ZC3H12B: variants seen among roughly 807,000 people sequenced by gnomAD.
The protein encoded by ZC3H12B is zinc finger CCCH-type containing 12B.
ZC3H12B carries 7 observed loss-of-function variants against 43.9 expected under a neutral mutation model. That is an observed-to-expected ratio of 0.16 (90% CI 0.09 to 0.30). The LOEUF is 0.30. Among genes scored for constraint, ZC3H12B ranks in the 10% least tolerant of loss-of-function variants. ZC3H12B has a pLI of 1.00. For missense variants in ZC3H12B, 475 were observed against 670.2 expected, an observed-to-expected ratio of 0.71 and a Z score of 3.22; for synonymous variants, 222 against 241.7, an observed-to-expected ratio of 0.92 and a Z score of 0.76.
At chrX:65,468,107 A>T (rs765447054) in intron 3 of ZC3H12B, among the ~76,000 whole-genome samples, 1 of 111,923 alleles carries the variant, frequency 8.9e-6, no homozygotes, top group African/African-American at 3.2e-5. Flanking sequence ...TATGTCTTTG[A>T]TCCATCTTGA....
At chrX:65,269,387 A>C in the ZC3H12B span, among the ~76,000 whole-genome samples, 1 of 111,152 alleles carries the variant, frequency 9.0e-6, no homozygotes, top group Non-Finnish European at 1.9e-5. Flanking sequence ...GGAAAGAAAG[A>C]AAAATCACTA....
At chrX:65,085,820 A>G in the ZC3H12B span, among the ~76,000 whole-genome samples, 1 of 111,480 alleles carries the variant, frequency 9.0e-6, no homozygotes, top group Non-Finnish European at 1.9e-5. Context: ...GATACGTTGG[A>G]CATGTAGTAC....
At chrX:65,418,968 G>A (rs1436929114) in intron 3 of ZC3H12B, among the ~76,000 whole-genome samples, 1 of 111,630 alleles carries the variant, frequency 9.0e-6, no homozygotes, top group Admixed American at 9.5e-5. Context: ...AAGGATTACT[G>A]GACATTAGAT....
chrX:65,286,972 T>C, the ZC3H12B span, among the ~76,000 whole-genome samples: 1 of 110,834 alleles, frequency 9.0e-6, no homozygotes, highest in African/African-American at 3.3e-5. Flanking sequence ...AATGAATCAA[T>C]CAAGCAAGAG....
At chrX:65,399,635 A>G (rs1157547891) in intron 3 of ZC3H12B, among the ~76,000 whole-genome samples, 1 of 112,330 alleles carries the variant, frequency 8.9e-6, no homozygotes. Context: ...TTCCTCAAAA[A>G]AAGAAAAATA....
intron 3 of ZC3H12B, among the ~76,000 whole-genome samples, chrX:65,473,531 C>A (rs1479556102): frequency 1.8e-5 from 2 of 111,976 alleles, no homozygotes; most frequent in East Asian, 5.6e-4. Context: ...AATATTAATT[C>A]TTTCAATCCA....
the ZC3H12B span, among the ~76,000 whole-genome samples, chrX:65,052,124 A>G: frequency 3.6e-5 from 4 of 111,328 alleles, no homozygotes; most frequent in East Asian, 1.1e-3. Context: ...AATTATGTCT[A>G]TTGTTTAGCA....
chrX:65,379,463 C>T (rs762343003), intron 2 of ZC3H12B, among the ~76,000 whole-genome samples: 1 of 111,899 alleles, frequency 8.9e-6, no homozygotes, highest in African/African-American at 3.3e-5. Flanking sequence ...CTGTACATCA[C>T]CATCATCTAA....
the ZC3H12B span, among the ~76,000 whole-genome samples, chrX:65,309,865 A>G: frequency 8.9e-6 from 1 of 112,320 alleles, no homozygotes; most frequent in Non-Finnish European, 1.9e-5. Context: ...CAATAAACAT[A>G]ATCCATCACA....
chrX:65,389,244 C>T (rs1382964615), intron 2 of ZC3H12B, among the ~76,000 whole-genome samples: 2 of 112,417 alleles, frequency 1.8e-5, no homozygotes, highest in East Asian at 5.6e-4. Flanking sequence ...GTGGAGTCTA[C>T]AGAGTCAGGC....
At chrX:65,187,553 A>G in the ZC3H12B span, among the ~76,000 whole-genome samples, 2 of 111,698 alleles carry the variant, frequency 1.8e-5, no homozygotes, top group African/African-American at 6.5e-5. Flanking sequence ...TGATTTGGAC[A>G]GTATTTAGTC....
chrX:65,051,099 C>G, the ZC3H12B span, among the ~76,000 whole-genome samples: 47 of 111,134 alleles, frequency 4.2e-4, no homozygotes, highest in East Asian at 0.012. Flanking sequence ...TTATAGAGTT[C>G]CAGGAATTTA....
chrX:65,292,248 C>T, the ZC3H12B span, among the ~76,000 whole-genome samples: 1 of 111,752 alleles, frequency 8.9e-6, no homozygotes, highest in African/African-American at 3.3e-5. Context: ...AGAAAAATCA[C>T]ATTCTGGGCC....
At chrX:65,470,574 G>A (rs2067896969) in intron 3 of ZC3H12B, among the ~76,000 whole-genome samples, 1 of 110,375 alleles carries the variant, frequency 9.1e-6, no homozygotes, top group South Asian at 3.9e-4. Flanking sequence ...TCTCCCTGCC[G>A]CCCTCACCCT....
intron 3 of ZC3H12B, among the ~76,000 whole-genome samples, chrX:65,448,109 C>T (rs2067404544): frequency 9.1e-6 from 1 of 110,472 alleles, no homozygotes; most frequent in Non-Finnish European, 1.9e-5. Flanking sequence ...GTGGTGGGCA[C>T]CTGTAGTCCC....
intron 2 of ZC3H12B, among the ~76,000 whole-genome samples, chrX:65,374,021 A>T (rs1361120240): frequency 1.6e-3 from 75 of 45,984 alleles, no homozygotes; most frequent in African/African-American, 4.7e-3. Context: ...CTATATATAC[A>T]GTATATATAT....
the ZC3H12B span, among the ~76,000 whole-genome samples, chrX:65,069,403 C>T: frequency 9.2e-6 from 1 of 108,991 alleles, no homozygotes; most frequent in African/African-American, 3.3e-5. Context: ...AATCACTAAT[C>T]CTTCGGTTCT....
chrX:65,092,858 A>T, the ZC3H12B span, among the ~76,000 whole-genome samples: 1 of 112,361 alleles, frequency 8.9e-6, no homozygotes, highest in African/African-American at 3.2e-5. Flanking sequence ...GCAGCTGCAG[A>T]AATTTGCATA....
the ZC3H12B span, among the ~76,000 whole-genome samples, chrX:65,066,017 T>C: frequency 9.2e-6 from 1 of 108,571 alleles, no homozygotes; most frequent in African/African-American, 3.4e-5. Flanking sequence ...TTCTCTAAAC[T>C]GGTTATTCTA....
Sources: gnomAD v4.1 joint callset for allele counts (sites outside exome capture counted in the v4.1 genomes callset) on GRCh38, gnomAD v4.1.1 for gene constraint, MANE v1.5 for transcripts, NCBI Gene and HGNC (gene_info 2026-07-23, HGNC 2026-07-21) for gene names.